PPM1A: variants seen among roughly 807,000 people sequenced by gnomAD.
The protein encoded by PPM1A is protein phosphatase, Mg2+/Mn2+ dependent 1A.
PPM1A carries 7 observed loss-of-function variants against 35.0 expected under a neutral mutation model. That is an observed-to-expected ratio of 0.20 (90% CI 0.11 to 0.38). The LOEUF is 0.38. Among genes scored for constraint, PPM1A ranks in the 10% least tolerant of loss-of-function variants. The pLI is 1.00. For missense variants in PPM1A, 239 were observed against 467.8 expected (o/e 0.51, Z 4.51); for synonymous variants, 153 against 167.3 (o/e 0.91, Z 0.66).
rs1444878754 is a variant in PPM1A, at chr14:60,249,295, G to T, written c.-403G>T. 4.1e-6 allele frequency: 4 copies of T among 981,820 alleles called. No individual in the cohort carries two copies. The highest frequency in any genetic ancestry group is 4.8e-6 in the Non-Finnish European group (4 of 828,792). 60.8% of individuals were successfully genotyped at this position (981,820 alleles called of 1,614,324 possible). A position where few individuals can be genotyped will look rare whatever the true frequency, so the allele number is the denominator to read the frequency against. On this transcript the variant is annotated 5_prime_UTR_variant, in exon 1 of 6. Transcript: ENST00000395076. This position sits in a 1 kb window ranked among gnomAD's most constrained non-coding sequence, Gnocchi z 4.5. ...GGAGCTAGAGAGCAGTGGTCTCGGCGCTCGTCCGGCCCGCAGCTTCGGGTC... is the reference window on the plus strand; with the variant it reads ...GGAGCTAGAGAGCAGTGGTCTCGGCTCTCGTCCGGCCCGCAGCTTCGGGTC...
upstream of PPM1A, chr14:60,245,894 C>T: frequency 6.3e-7 from 1 of 1,590,026 alleles, no homozygotes; most frequent in Non-Finnish European, 8.6e-7. This position sits in a 1 kb window ranked among gnomAD's most constrained non-coding sequence, Gnocchi z 4.2. Context: ...ACAATTTGTA[C>T]TAAGCTAATG....
At chr14:60,261,511 C>T (rs1232511013) in intron 1 of PPM1A, among the ~76,000 whole-genome samples, 7 of 151,994 alleles carry the variant, frequency 4.6e-5, no homozygotes, top group African/African-American at 9.7e-5. Context: ...TACAGCTGAC[C>T]ATAATCATGT....
Position 60,297,791 on chromosome 14 carries a change from GT to G in PPM1A, c.*5313del, listed in dbSNP as rs1888167021. The G allele has an allele frequency of 6.6e-6, 1 of 151,540 alleles. No individual in the cohort carries two copies. The highest frequency in any genetic ancestry group is 1.9e-4 in the East Asian group (1 of 5,190). 9.4% of individuals were successfully genotyped at this position (151,540 alleles called of 1,614,324 possible). Reference sequence around the variant, plus strand: ...TTCTTAACCTTTTGGGGTCACAGGCGTTTTGAGACTGATGAATCCTAGGGAC... The same window carrying G: ...TTCTTAACCTTTTGGGGTCACAGGCGTTTGAGACTGATGAATCCTAGGGAC... On this transcript the variant is annotated 3_prime_UTR_variant, in exon 6 of 6. Coordinates refer to ENST00000395076, the MANE Select transcript of PPM1A (RefSeq NM_021003.5).
intron 1 of PPM1A, among the ~76,000 whole-genome samples, chr14:60,266,594 C>G (rs781242845): frequency 6.6e-6 from 1 of 152,140 alleles, no homozygotes; most frequent in Non-Finnish European, 1.5e-5. Flanking sequence ...TGGAAAAGAT[C>G]AGCTTTCAGG....
chr14:60,263,820 A>G (rs907317458), intron 1 of PPM1A, among the ~76,000 whole-genome samples: 9 of 152,182 alleles, frequency 5.9e-5, no homozygotes, highest in African/African-American at 2.2e-4. Flanking sequence ...TAATTCCAAT[A>G]TCGGAAGTCC....
In PPM1A at chr14:60,287,637, A is replaced by T. The variant is rs567452846; in HGVS notation, c.952+1896A>T. The T allele has an allele frequency of 1.4e-4, 134 of 985,186 alleles. No homozygotes were observed. The African/African-American group carries it at 2.2e-3, about 16-fold the overall frequency. The allele number at this position is 985,186 out of a possible 1,614,324, so 61.0% of individuals were successfully genotyped here. On this transcript the variant is annotated intron_variant, in intron 3 of 5. Transcript: ENST00000395076. ...CTAAACCTCATTTTATTTGCTTGGA[A>T]CATTTTTGGCTTCTCTGTCCACACC...
chr14:60,292,719 A>G lies in PPM1A; in HGVS notation c.*237A>G. ...TTTCAAACCATAATTCGTGTTGTAA[A>G]TCAGACTCCAGCAATTTTTGTTGTA... is the stretch of plus-strand genomic sequence containing the variant. On this transcript the variant is annotated 3_prime_UTR_variant, in exon 6 of 6. Transcript: ENST00000395076. The surrounding 1 kb of genome is among the most constrained non-coding windows in gnomAD (Gnocchi z 4.2). 2.7e-6 allele frequency: 1 copy of G among 376,124 alleles called. No homozygotes were observed. Among genetic ancestry groups the G allele is most frequent in the East Asian group, 3.9e-5 (1 of 25,766 alleles). 23.3% of individuals were successfully genotyped at this position (376,124 alleles called of 1,614,324 possible).
At chr14:60,270,809 C>T (rs1262541660) in intron 1 of PPM1A, among the ~76,000 whole-genome samples, 2 of 152,128 alleles carry the variant, frequency 1.3e-5, no homozygotes, top group African/African-American at 4.8e-5. Context: ...AGGTAAGAAA[C>T]TTTGTCTTTC....
At chr14:60,257,351 T>G (rs977277141) in intron 1 of PPM1A, among the ~76,000 whole-genome samples, 1 of 152,190 alleles carries the variant, frequency 6.6e-6, no homozygotes, top group Non-Finnish European at 1.5e-5. Context: ...TTTAAAGAGA[T>G]TATCAATATA....
At chr14:60,264,447 A>G (rs1286873807) in intron 1 of PPM1A, among the ~76,000 whole-genome samples, 1 of 152,132 alleles carries the variant, frequency 6.6e-6, no homozygotes, top group African/African-American at 2.4e-5. Context: ...TAGGGTTGTA[A>G]TGAGGATTAA....
rs770947796 is a variant in PPM1A, at chr14:60,282,600, CTCTT to C, written c.-20-81_-20-78del. On this transcript the variant is annotated intron_variant, in intron 1 of 5. Transcript: ENST00000395076. The surrounding 1 kb of genome is among the most constrained non-coding windows in gnomAD (Gnocchi z 5.1). Reference sequence around the variant, plus strand: ...TCGCGAGTTGTGAATTCCCGCATATCTCTTTCACTTATTAAAAAGATTGTTTGGT... The same window carrying C: ...TCGCGAGTTGTGAATTCCCGCATATCTCACTTATTAAAAAGATTGTTTGGT... The C allele has an allele frequency of 6.1e-5, 91 of 1,496,350 alleles. No homozygotes were observed. The highest frequency in any genetic ancestry group is 7.6e-5 in the Non-Finnish European group (84 of 1,109,208). The allele number at this position is 1,496,350 out of a possible 1,614,324, so 92.7% of individuals were successfully genotyped here.
Position 60,298,434 on chromosome 14 carries a change from A to T in PPM1A, c.*5952A>T, listed in dbSNP as rs1888224362. Reference sequence around the variant, plus strand: ...CAACCACCACCAATGCACACAGTTAATGAGATTTCTAAAATATAATAAGTA... The same window carrying T: ...CAACCACCACCAATGCACACAGTTATTGAGATTTCTAAAATATAATAAGTA... On this transcript the variant is annotated 3_prime_UTR_variant, in exon 6 of 6. Coordinates refer to ENST00000395076, the MANE Select transcript of PPM1A (RefSeq NM_021003.5). The T allele has an allele frequency of 6.6e-6, 1 of 151,780 alleles. No homozygotes were observed. The highest frequency in any genetic ancestry group is 1.5e-5 in the Non-Finnish European group (1 of 67,726). 9.4% of individuals were successfully genotyped at this position (151,780 alleles called of 1,614,324 possible).
At chr14:60,255,523 T>A (rs1883011694) in intron 1 of PPM1A, among the ~76,000 whole-genome samples, 1 of 152,220 alleles carries the variant, frequency 6.6e-6, no homozygotes, top group Admixed American at 6.5e-5. Context: ...TTGCATTCAG[T>A]TAATTCTAAA....
At chr14:60,247,421 A>T (rs1185164575), upstream of PPM1A, among the ~76,000 whole-genome samples, 1 of 152,080 alleles carries the variant, frequency 6.6e-6, no homozygotes, top group Non-Finnish European at 1.5e-5. Context: ...CGAGGTCAGG[A>T]AACCGAGACC....
At chr14:60,277,727 CAG>C (rs1755823984) in intron 1 of PPM1A, among the ~76,000 whole-genome samples, 1 of 152,108 alleles carries the variant, frequency 6.6e-6, no homozygotes, top group Admixed American at 6.5e-5. Context: ...AGTAATTAAA[CAG>C]TGCCTGTTTG....
At chr14:60,255,119 C>G (rs1389616055) in intron 1 of PPM1A, among the ~76,000 whole-genome samples, 1 of 150,762 alleles carries the variant, frequency 6.6e-6, no homozygotes, top group African/African-American at 2.5e-5. Context: ...TCTCCTTTCT[C>G]TGTACTTAAA....
Position 60,282,964 on chromosome 14 carries a change from G to T in PPM1A, c.261G>T (p.Gly87=), listed in dbSNP as rs775119723. 1 of 1,614,236 alleles carries T rather than the reference G, an allele frequency of 6.2e-7. No individual in the cohort carries two copies. Among genetic ancestry groups the T allele is most frequent in the South Asian group, 1.1e-5 (1 of 91,086 alleles). The change falls in exon 2 of 6, where the codon GGG becomes GGT. Residue 87 remains glycine (G), a synonymous_variant. Transcript: ENST00000395076. The surrounding 1 kb of genome is among the most constrained non-coding windows in gnomAD (Gnocchi z 5.1). ...TCACCAATAACCAGGATTTTAAAGG[G>T]TCTGCAGGAGCACCTTCTGTGGAAA... The part of the protein sequence containing the change: ...DHITNNQDFK[G]SAGAPSVENV...
chr14:60,263,346 C>T (rs1883990605), intron 1 of PPM1A, among the ~76,000 whole-genome samples: 1 of 152,062 alleles, frequency 6.6e-6, no homozygotes, highest in South Asian at 2.1e-4. Context: ...TTCCCCTTTC[C>T]CTTGGCCTTT....
intron 1 of PPM1A, among the ~76,000 whole-genome samples, chr14:60,278,021 T>A (rs1233495753): frequency 6.6e-6 from 1 of 152,168 alleles, no homozygotes; most frequent in African/African-American, 2.4e-5. Context: ...AGTTTCTTCA[T>A]GAGTAAAACA....
Sources: allele counts gnomAD v4.1 joint callset (sites outside exome capture counted in the v4.1 genomes callset), GRCh38; gene constraint gnomAD v4.1.1; non-coding constraint Gnocchi (gnomAD v3.1); transcripts MANE v1.5; gene names NCBI Gene and HGNC (gene_info 2026-07-23, HGNC 2026-07-21).